The following PTPRE variants were observed in gnomAD, a reference collection of about 807,000 sequenced individuals.
The protein encoded by PTPRE is protein tyrosine phosphatase receptor type E.
A neutral mutation model predicts 102.0 loss-of-function variants in PTPRE; 51 were observed. The ratio of observed to expected loss-of-function variants is 0.50; its 90% CI spans 0.40 to 0.63. The LOEUF (loss-of-function observed/expected upper bound fraction) is 0.63. Among genes scored for constraint, PTPRE ranks in the 30% least tolerant of loss-of-function variants. PTPRE has a pLI of 0.00. For missense variants in PTPRE, 752 were observed against 915.1 expected (o/e 0.82, Z 2.30); for synonymous variants, 345 against 348.2 (o/e 0.99, Z 0.10).
At chr10:127,966,999 G>A (rs1850304780) in intron 1 of PTPRE, among the ~76,000 whole-genome samples, 1 of 152,186 alleles carries the variant, frequency 6.6e-6, no homozygotes, top group Non-Finnish European at 1.5e-5. Context: ...CTCTGTAAGA[G>A]ATAAAGCGTT....
At position 128,076,629 on chromosome 10, in the gene PTPRE, C is replaced by G. The variant is rs769769366; in HGVS notation, c.1626C>G (p.Thr542=). 1 of 1,608,786 alleles carries G rather than the reference C, an allele frequency of 6.2e-7. No homozygotes were observed. Among genetic ancestry groups the G allele is most frequent in the Admixed American group, 1.7e-5 (1 of 58,280 alleles). Reference sequence around the variant, plus strand: ...ATAAATGCTACCAGTATTGGCCAACCGAGGGCTCAGTTACTCATGGAGAAA... The same window carrying G: ...ATAAATGCTACCAGTATTGGCCAACGGAGGGCTCAGTTACTCATGGAGAAA... ...EQDKCYQYWP[T]EGSVTHGEIT... is the part of the protein sequence containing the mutation. The change falls in exon 18 of 21, where the codon ACC becomes ACG. Residue 542 remains threonine, a synonymous_variant. Coordinates refer to ENST00000254667, the MANE Select transcript of PTPRE (RefSeq NM_006504.6).
intron 2 of PTPRE, among the ~76,000 whole-genome samples, chr10:128,010,106 C>T (rs949648570): frequency 6.6e-6 from 1 of 152,182 alleles, no homozygotes; most frequent in Admixed American, 6.5e-5. Context: ...TTCTGGGCAG[C>T]CCCTGGGTGC....
At chr10:128,027,288 C>T (rs553436011) in intron 2 of PTPRE, among the ~76,000 whole-genome samples, 2 of 152,348 alleles carry the variant, frequency 1.3e-5, no homozygotes, top group South Asian at 4.1e-4. Context: ...CCTGATGGAG[C>T]CCAGTGGTCT....
intron 6 of PTPRE, among the ~76,000 whole-genome samples, chr10:128,050,364 G>GATGA (rs1848470226): frequency 6.7e-6 from 1 of 149,650 alleles, no homozygotes; most frequent in Non-Finnish European, 1.5e-5. Context: ...TGGATGGATG[G>GATGA]ATGGATGGAT....
intron 1 of PTPRE, among the ~76,000 whole-genome samples, chr10:127,957,936 T>C (rs1002727978): frequency 5.3e-5 from 8 of 152,258 alleles, no homozygotes; most frequent in African/African-American, 1.9e-4. Flanking sequence ...AGGTATTTCA[T>C]ATTTAGGGAT....
At position 128,070,742 on chromosome 10, in the gene PTPRE, C is replaced by T. The variant is rs1337315719; in HGVS notation, c.1294-66C>T. On this transcript the variant is annotated intron_variant, in intron 14 of 20. Transcript: ENST00000254667. This position sits in a 1 kb window ranked among gnomAD's most constrained non-coding sequence, Gnocchi z 4.8. Reference sequence around the variant, plus strand: ...CGTCCTTGCCAGCAGCACTAGTCCTCGGCTGAGCAATGTGCTCAGGAGTGT... The same window carrying T: ...CGTCCTTGCCAGCAGCACTAGTCCTTGGCTGAGCAATGTGCTCAGGAGTGT... 12 of 1,524,840 alleles carry T rather than the reference C, an allele frequency of 7.9e-6. No individual in the cohort carries two copies. Among genetic ancestry groups the T allele is most frequent in the South Asian group, 1.2e-5 (1 of 86,576 alleles). 94.5% of individuals were successfully genotyped at this position (1,524,840 alleles called of 1,614,324 possible). A position where few individuals can be genotyped will look rare whatever the true frequency, so the allele number is the denominator to read the frequency against.
At chr10:127,929,398 T>C (rs866192056) in intron 1 of PTPRE, 1 of 152,200 alleles carries the variant, frequency 6.6e-6, no homozygotes, top group Non-Finnish European at 1.5e-5. Flanking sequence ...TAGGTAAAAC[T>C]GATTTATTTT....
At position 127,964,562 on chromosome 10, in the gene PTPRE, ATT is replaced by A. The variant is rs11317491; in HGVS notation, c.-30-17700_-30-17699del. 1.6e-3 allele frequency among the ~76,000 whole-genome samples: 239 copies of A among 145,016 alleles called. 2 individuals carry two copies. Among genetic ancestry groups the A allele is most frequent in the African/African-American group, 4.7e-3 (187 of 39,466 alleles). On this transcript the variant is annotated intron_variant, in intron 1 of 20. Transcript: ENST00000254667. ...AAGAATTAATGAAGTTCTTAGTTCC[ATT>A]TTTTTTTTTTTCGCCCTTGACTAAC...
intron 1 of PTPRE, among the ~76,000 whole-genome samples, chr10:127,931,297 A>G (rs967709272): frequency 1.3e-5 from 2 of 152,198 alleles, no homozygotes; most frequent in Admixed American, 6.5e-5. Context: ...TTAATGCTAT[A>G]TATTTTATTG....
At chr10:128,065,190 C>T (rs1310754982) in intron 10 of PTPRE, among the ~76,000 whole-genome samples, 1 of 152,224 alleles carries the variant, frequency 6.6e-6, no homozygotes, top group Non-Finnish European at 1.5e-5. Flanking sequence ...CTGCTCTCTA[C>T]TAAATACCAG....
chr10:128,070,082 G>A lies in PTPRE; in HGVS notation c.1144-219G>A. 2.9e-6 allele frequency: 2 copies of A among 687,794 alleles called. No homozygotes were observed. Among genetic ancestry groups the A allele is most frequent in the South Asian group, 1.9e-5 (1 of 52,044 alleles). The allele number at this position is 687,794 out of a possible 1,614,324, so 42.6% of individuals were successfully genotyped here. On this transcript the variant is annotated intron_variant, in intron 13 of 20. Transcript: ENST00000254667. The surrounding 1 kb of genome is among the most constrained non-coding windows in gnomAD (Gnocchi z 4.8). The stretch of plus-strand genomic sequence containing the variant: ...AAACGGTGCATGTACACAGTGCGTG[G>A]CGTGCTCACCAATGTGAGGCTCTGC...
chr10:128,039,550 C>A (rs1354437923), intron 2 of PTPRE, among the ~76,000 whole-genome samples: 3 of 152,166 alleles, frequency 2.0e-5, no homozygotes. Flanking sequence ...GTTATAATAT[C>A]CTCATAATGG....
chr10:127,981,945 C>T (rs368525191), intron 1 of PTPRE, among the ~76,000 whole-genome samples: 2 of 152,056 alleles, frequency 1.3e-5, no homozygotes, highest in African/African-American at 4.8e-5. Context: ...GGAGGATGGG[C>T]TAAAGGAACT....
At chr10:128,005,610 G>A (rs1854450628) in intron 2 of PTPRE, among the ~76,000 whole-genome samples, 1 of 152,246 alleles carries the variant, frequency 6.6e-6, no homozygotes, top group African/African-American at 2.4e-5. Context: ...ATAGCAGAGT[G>A]TGAGAACTGC....
chr10:128,000,969 G>C (rs1320011615), intron 2 of PTPRE, among the ~76,000 whole-genome samples: 2 of 152,208 alleles, frequency 1.3e-5, no homozygotes, highest in African/African-American at 4.8e-5. Flanking sequence ...TGGATAGTAG[G>C]AGAGTCTTTA....
chr10:128,041,013 G>T, intron 3 of PTPRE, 23 bp downstream of exon 3: 1 of 1,601,380 alleles, frequency 6.2e-7, no homozygotes, highest in South Asian at 1.1e-5. Flanking sequence ...TTCCCTGGCT[G>T]CCTCCCCTAC....
intron 17 of PTPRE, among the ~76,000 whole-genome samples, chr10:128,075,296 T>C (rs187919589): frequency 9.2e-5 from 14 of 152,374 alleles, no homozygotes; most frequent in Non-Finnish European, 1.8e-4. Flanking sequence ...TTTTTAAAAC[T>C]TTAAGTTCTG....
At chr10:128,071,055 C>A in intron 15 of PTPRE, 154 bp downstream of exon 15, 1 of 698,446 alleles carries the variant, frequency 1.4e-6, no homozygotes, top group Non-Finnish European at 2.4e-6. Flanking sequence ...GTGTGCTGTA[C>A]CAAATGTCAG....
At chr10:127,917,501 G>T (rs769360455) in intron 1 of PTPRE, among the ~76,000 whole-genome samples, 1 of 152,004 alleles carries the variant, frequency 6.6e-6, no homozygotes, top group Non-Finnish European at 1.5e-5. Context: ...GGGCGACATA[G>T]TGATACTGTC....
Sources: allele counts gnomAD v4.1 joint callset (sites outside exome capture counted in the v4.1 genomes callset), GRCh38; gene constraint gnomAD v4.1.1; non-coding constraint Gnocchi (gnomAD v3.1); transcripts MANE v1.5; gene names NCBI Gene and HGNC (gene_info 2026-07-23, HGNC 2026-07-21).